RALGPS2: variants seen among roughly 807,000 people sequenced by gnomAD.
RALGPS2 encodes ras-specific guanine nucleotide-releasing factor RalGPS2.
RALGPS2 carries 43 observed loss-of-function variants against 86.8 expected under a neutral mutation model. That is an observed-to-expected ratio of 0.50 (90% CI 0.39 to 0.64). The LOEUF is 0.64. Ranked by LOEUF, RALGPS2 falls within the 30% of genes least tolerant of loss-of-function variation. RALGPS2 has a pLI of 0.00. For synonymous variants in RALGPS2, 243 were observed against 231.3 expected (o/e 1.05, Z -0.46); for missense variants, 536 against 694.6 (o/e 0.77, Z 2.57).
At chr1:178,831,372 A>G (rs1327621387) in intron 7 of RALGPS2, among the ~76,000 whole-genome samples, 7 of 152,196 alleles carry the variant, frequency 4.6e-5, no homozygotes, top group Admixed American at 4.6e-4. Context: ...ATACAAACCA[A>G]GGTGATGAGG....
At chr1:178,742,386 A>T (rs535509446) in intron 1 of RALGPS2, among the ~76,000 whole-genome samples, 2 of 152,320 alleles carry the variant, frequency 1.3e-5, no homozygotes, top group African/African-American at 4.8e-5. Flanking sequence ...AATGATAAAG[A>T]GGGCAGTTAA....
At chr1:178,804,996 T>A (rs879724040) in intron 4 of RALGPS2, among the ~76,000 whole-genome samples, 16 of 147,924 alleles carry the variant, frequency 1.1e-4, no homozygotes, top group African/African-American at 1.5e-4. Flanking sequence ...GGTATCTCAT[T>A]GTGGTTTTGA....
At chr1:178,794,123 T>G (rs1654082556) in intron 4 of RALGPS2, among the ~76,000 whole-genome samples, 1 of 152,188 alleles carries the variant, frequency 6.6e-6, no homozygotes, top group South Asian at 2.1e-4. Context: ...CTTCTTTCCC[T>G]TTTCTTTTTT....
chr1:178,852,302 C>T (rs1368572100), intron 8 of RALGPS2, among the ~76,000 whole-genome samples: 2 of 152,154 alleles, frequency 1.3e-5, no homozygotes, highest in Non-Finnish European at 2.9e-5. Context: ...TGTCTCTCCT[C>T]CAGTGAGTAA....
intron 4 of RALGPS2, among the ~76,000 whole-genome samples, chr1:178,787,782 A>G (rs1653734426): frequency 6.6e-6 from 1 of 152,106 alleles, no homozygotes; most frequent in South Asian, 2.1e-4. Flanking sequence ...TCTACTCCCA[A>G]CACCCCAATG....
intron 1 of RALGPS2, among the ~76,000 whole-genome samples, chr1:178,739,220 A>G (rs1440473919): frequency 6.6e-6 from 1 of 152,240 alleles, no homozygotes; most frequent in Non-Finnish European, 1.5e-5. Flanking sequence ...TCTTATGGAT[A>G]AGAAACTCTG....
intron 1 of RALGPS2, among the ~76,000 whole-genome samples, chr1:178,729,602 CT>C (rs1343116033): frequency 1.3e-5 from 2 of 152,160 alleles, no homozygotes; most frequent in Non-Finnish European, 2.9e-5. Flanking sequence ...ATCCAAAATG[CT>C]CCAAAATATT....
At position 178,902,100 on chromosome 1, in the gene RALGPS2, T is replaced by C. The variant is rs747746200; in HGVS notation, c.1525-6T>C. 3.7e-6 allele frequency: 6 copies of C among 1,604,696 alleles called. No individual in the cohort carries two copies. Among genetic ancestry groups the C allele is most frequent in the Non-Finnish European group, 5.1e-6 (6 of 1,172,290 alleles). ...TGTTTCCGCTAATTATCTTTTTTTC[T>C]CTCAGTTCAAATCAACATCCAATAA... On this transcript the variant is annotated splice_region_variant and splice_polypyrimidine_tract_variant and intron_variant, in intron 17 of 19. Coordinates refer to ENST00000367635, the MANE Select transcript of RALGPS2 (RefSeq NM_152663.5).
chr1:178,921,054 T>C lies in RALGPS2; in HGVS notation c.*4695T>C, dbSNP rs1647281130. 6.6e-6 allele frequency: 1 copy of C among 152,058 alleles called. No individual in the cohort carries two copies. 9.4% of individuals were successfully genotyped at this position (152,058 alleles called of 1,614,324 possible). On this transcript the variant is annotated 3_prime_UTR_variant, in exon 20 of 20. Coordinates refer to ENST00000367635, the MANE Select transcript of RALGPS2 (RefSeq NM_152663.5). The stretch of plus-strand genomic sequence containing the variant: ...CTCAGATTATTGGAAGACCTAGAGC[T>C]ACTGGATGTTAACCTGAATCAAGAT...
At chr1:178,907,390 C>T (rs74728573) in intron 19 of RALGPS2, among the ~76,000 whole-genome samples, 6,068 of 152,198 alleles carry the variant, frequency 0.04, 164 homozygotes, top group African/African-American at 0.069. Flanking sequence ...AAAAATTATT[C>T]GAATTCATCT....
intron 19 of RALGPS2, among the ~76,000 whole-genome samples, chr1:178,913,134 T>C (rs1315831780): frequency 2.0e-5 from 3 of 151,976 alleles, no homozygotes; most frequent in Admixed American, 2.0e-4. Flanking sequence ...ATAGAAAAAT[T>C]AGCTGGGCAT....
intron 9 of RALGPS2, among the ~76,000 whole-genome samples, chr1:178,878,376 A>G (rs543115626): frequency 2.4e-4 from 37 of 152,286 alleles, no homozygotes; most frequent in Non-Finnish European, 4.6e-4. Flanking sequence ...ATGCATCTAT[A>G]CTTTTTAGAA....
chr1:178,750,087 G>C (rs1391785345), intron 1 of RALGPS2, among the ~76,000 whole-genome samples: 2 of 152,100 alleles, frequency 1.3e-5, no homozygotes, highest in East Asian at 3.8e-4. Flanking sequence ...CGCCAGCCTT[G>C]GTGACAGAGT....
chr1:178,851,843 G>A (rs1352040571), intron 8 of RALGPS2, among the ~76,000 whole-genome samples: 1 of 152,114 alleles, frequency 6.6e-6, no homozygotes, highest in Non-Finnish European at 1.5e-5. Flanking sequence ...AAATACAGCT[G>A]GAGAGAAAAA....
intron 10 of RALGPS2, 126 bp from the exon 11 acceptor site, chr1:178,883,340 A>G (rs1265455496): frequency 1.2e-5 from 8 of 686,676 alleles, no homozygotes; most frequent in Non-Finnish European, 2.0e-5. Context: ...TCTTGAAGAA[A>G]AGTATATAGG....
intron 7 of RALGPS2, among the ~76,000 whole-genome samples, chr1:178,824,806 C>T (rs1269256699): frequency 2.0e-5 from 3 of 148,172 alleles, no homozygotes; most frequent in African/African-American, 7.6e-5. Context: ...AAGACTCTGT[C>T]TCAAAAAAAA....
chr1:178,835,814 C>A (rs1197773199), intron 8 of RALGPS2, among the ~76,000 whole-genome samples: 1 of 152,146 alleles, frequency 6.6e-6, no homozygotes, highest in Non-Finnish European at 1.5e-5. Flanking sequence ...GAAGTCTTAA[C>A]CTAGAGAGCT....
chr1:178,744,384 G>A (rs529490330), intron 1 of RALGPS2, among the ~76,000 whole-genome samples: 39 of 152,258 alleles, frequency 2.6e-4, no homozygotes, highest in African/African-American at 8.2e-4. Flanking sequence ...TGAAAAAACT[G>A]TAGGTAGTAT....
intron 2 of RALGPS2, among the ~76,000 whole-genome samples, chr1:178,777,264 C>T (rs1653144755): frequency 6.6e-6 from 1 of 151,962 alleles, no homozygotes; most frequent in Non-Finnish European, 1.5e-5. Flanking sequence ...AAACAGACAG[C>T]CAAATCATGA....
Sources: allele counts gnomAD v4.1 joint callset (sites outside exome capture counted in the v4.1 genomes callset), GRCh38; gene constraint gnomAD v4.1.1; transcripts MANE v1.5; gene names NCBI Gene and HGNC (gene_info 2026-07-23, HGNC 2026-07-21).